Variants in KITLG observed in about 807,000 individuals in gnomAD.
KITLG encodes the protein c-Kit ligand.
A neutral mutation model predicts 34.1 loss-of-function variants in KITLG; 13 were observed. That is an observed-to-expected ratio of 0.38 (90% CI 0.25 to 0.61). The LOEUF (loss-of-function observed/expected upper bound fraction) is 0.61, where lower values mean the gene tolerates loss of function less well. Among genes scored for constraint, KITLG ranks in the 20% least tolerant of loss-of-function variants. The pLI, the probability that KITLG is intolerant of heterozygous loss-of-function variation, is 0.60. For synonymous variants in KITLG, 110 were observed against 104.0 expected (o/e 1.06, Z -0.35); for missense variants, 292 against 318.9 (o/e 0.92, Z 0.64).
intron 2 of KITLG, among the ~76,000 whole-genome samples, chr12:88,541,295 T>C (rs1870510680): frequency 6.6e-6 from 1 of 152,170 alleles, no homozygotes; most frequent in Non-Finnish European, 1.5e-5. Context: ...ATTTGTAGAC[T>C]GACCTTGAAA....
intron 1 of KITLG, 137 bp downstream of exon 1, chr12:88,580,127 C>T: frequency 1.1e-6 from 1 of 943,334 alleles, no homozygotes. Context: ...CCGGCCTCCC[C>T]CGCATCCTCT....
intron 2 of KITLG, among the ~76,000 whole-genome samples, chr12:88,536,395 A>G (rs1471652276): frequency 6.6e-6 from 1 of 152,066 alleles, no homozygotes; most frequent in Non-Finnish European, 1.5e-5. Context: ...TGGGAGTGTA[A>G]ATTAGTTCAA....
At chr12:88,563,780 G>A (rs1871363466) in intron 1 of KITLG, among the ~76,000 whole-genome samples, 1 of 152,150 alleles carries the variant, frequency 6.6e-6, no homozygotes, top group Non-Finnish European at 1.5e-5. Flanking sequence ...GGCCAACATG[G>A]GGAAACCCCA....
intron 3 of KITLG, among the ~76,000 whole-genome samples, chr12:88,531,319 T>C (rs900792746): frequency 6.6e-6 from 1 of 152,158 alleles, no homozygotes; most frequent in African/African-American, 2.4e-5. Flanking sequence ...AGAATAAGTG[T>C]TACCACTAAG....
At position 88,499,404 on chromosome 12, in the gene KITLG, G is replaced by C. The variant is rs373434398; in HGVS notation, c.*38-2223C>G. On this transcript the variant is annotated intron_variant, in intron 9 of 9. Coordinates refer to ENST00000644744, the MANE Select transcript of KITLG (RefSeq NM_000899.5). ...ATTTATTTTCTTCCCCCTTAGCTCAGATATACCAAAATTTTGTTTGTATTT... is the reference window on the plus strand; with the variant it reads ...ATTTATTTTCTTCCCCCTTAGCTCACATATACCAAAATTTTGTTTGTATTT... 6.8e-4 allele frequency among the ~76,000 whole-genome samples: 104 copies of C among 152,116 alleles called. 1 individual carries two copies. The highest frequency in any genetic ancestry group is 2.3e-3 in the African/African-American group (94 of 41,492).
At chr12:88,510,168 T>C (rs1869225676) in intron 6 of KITLG, among the ~76,000 whole-genome samples, 1 of 152,210 alleles carries the variant, frequency 6.6e-6, no homozygotes, top group African/African-American at 2.4e-5. Flanking sequence ...ACACAAAGAA[T>C]TGTGCTATAA....
chr12:88,503,769 G>A (rs1362074935), intron 9 of KITLG, among the ~76,000 whole-genome samples: 3 of 152,088 alleles, frequency 2.0e-5, no homozygotes, highest in Non-Finnish European at 1.5e-5. Context: ...TCTGCCATGC[G>A]TTTATGTTCC....
At chr12:88,517,773 A>C (rs1233915278) in intron 4 of KITLG, among the ~76,000 whole-genome samples, 1 of 152,152 alleles carries the variant, frequency 6.6e-6, no homozygotes, top group Non-Finnish European at 1.5e-5. Flanking sequence ...GTATGGTAAG[A>C]ATTATAAGAT....
In KITLG at chr12:88,534,714, T is replaced by C. The variant is rs554504551; in HGVS notation, c.130-2211A>G. 15 of 515,008 alleles carry C rather than the reference T, an allele frequency of 2.9e-5. No individual in the cohort carries two copies. The Admixed American group carries it at 3.0e-4, about 10-fold the overall frequency. The allele number at this position is 515,008 out of a possible 1,614,324, so 31.9% of individuals were successfully genotyped here. ...ACCTGAGCTGCCAGACATGACGGCA[T>C]TTTTGTTCATTTATTTTTGGCGTTA... is the stretch of plus-strand genomic sequence containing the variant. On this transcript the variant is annotated intron_variant, in intron 2 of 9. Transcript: ENST00000644744.
intron 7 of KITLG, among the ~76,000 whole-genome samples, chr12:88,506,663 T>C (rs2120806820): frequency 6.6e-6 from 1 of 152,282 alleles, no homozygotes; most frequent in African/African-American, 2.4e-5. Flanking sequence ...TTTTGCACAT[T>C]TTAAAATTTT....
chr12:88,577,940 C>T (rs1871885858), intron 1 of KITLG, among the ~76,000 whole-genome samples: 1 of 152,042 alleles, frequency 6.6e-6, no homozygotes, highest in African/African-American at 2.4e-5. Context: ...GAACAAGTTG[C>T]TTTATAATAG....
chr12:88,538,541 T>C (rs191116715), intron 2 of KITLG, among the ~76,000 whole-genome samples: 25 of 152,002 alleles, frequency 1.6e-4, no homozygotes, highest in Non-Finnish European at 3.5e-4. Context: ...AAGATTAGTA[T>C]GGGAAGACAG....
chr12:88,542,629 T>TAC (rs1203925115), intron 2 of KITLG, among the ~76,000 whole-genome samples: 5 of 151,470 alleles, frequency 3.3e-5, no homozygotes, highest in East Asian at 3.9e-4. Flanking sequence ...AACATTAAAA[T>TAC]ACACACACAC....
At chr12:88,543,682 C>A (rs1054790330) in intron 2 of KITLG, among the ~76,000 whole-genome samples, 3 of 152,126 alleles carry the variant, frequency 2.0e-5, no homozygotes, top group Non-Finnish European at 2.9e-5. Context: ...TTTGCTTTCC[C>A]CGCCCTTCTC....
chr12:88,576,049 C>CAAAAT (rs1048816520), intron 1 of KITLG, among the ~76,000 whole-genome samples: 4 of 151,618 alleles, frequency 2.6e-5, no homozygotes, highest in Non-Finnish European at 5.9e-5. Flanking sequence ...CTCTTTAGTC[C>CAAAAT]AAAATAAAAT....
At chr12:88,521,115 G>A (rs1869641320) in intron 3 of KITLG, among the ~76,000 whole-genome samples, 1 of 152,034 alleles carries the variant, frequency 6.6e-6, no homozygotes, top group African/African-American at 2.4e-5. Context: ...TGTTTCTTTG[G>A]AAAAGGCTGA....
chr12:88,576,119 A>C (rs1871815309), intron 1 of KITLG, among the ~76,000 whole-genome samples: 1 of 152,186 alleles, frequency 6.6e-6, no homozygotes, highest in African/African-American at 2.4e-5. Context: ...GAGTGTAGAA[A>C]TATGAAACTG....
chr12:88,499,991 C>G (rs1868788961), intron 9 of KITLG, among the ~76,000 whole-genome samples: 1 of 152,180 alleles, frequency 6.6e-6, no homozygotes, highest in Admixed American at 6.5e-5. Context: ...CTTTCCTACA[C>G]CATTTTCTCC....
intron 1 of KITLG, among the ~76,000 whole-genome samples, chr12:88,558,898 C>A (rs1871192173): frequency 6.6e-6 from 1 of 152,084 alleles, no homozygotes; most frequent in South Asian, 2.1e-4. Flanking sequence ...TGAAGGGCTA[C>A]ATACTAGGTG....
Sources: gnomAD v4.1 joint callset for allele counts (sites outside exome capture counted in the v4.1 genomes callset) on GRCh38, gnomAD v4.1.1 for gene constraint, MANE v1.5 for transcripts, NCBI Gene and HGNC (gene_info 2026-07-23, HGNC 2026-07-21) for gene names.